DNAH5: variants seen among roughly 807,000 people sequenced by gnomAD.
The protein encoded by DNAH5 is dynein axonemal heavy chain 5, also known as axonemal beta dynein heavy chain 5.
DNAH5 carries 372 observed loss-of-function variants against 518.2 expected under a neutral mutation model. The ratio of observed to expected loss-of-function variants is 0.72; its 90% CI spans 0.66 to 0.78. DNAH5 has a LOEUF of 0.78. DNAH5 is among the 30% of genes least tolerant of loss of function. The pLI is 0.00. For missense variants in DNAH5, 5,523 were observed against 5,687.0 expected, an observed-to-expected ratio of 0.97 and a Z score of 0.93; for synonymous variants, 2,039 against 2,025.9, an observed-to-expected ratio of 1.01 and a Z score of -0.17.
chr5:13,867,295 GA>G (rs1276523607), intron 25 of DNAH5, among the ~76,000 whole-genome samples: 1 of 152,084 alleles, frequency 6.6e-6, no homozygotes, highest in African/African-American at 2.4e-5. Flanking sequence ...CGTCTCAAGG[GA>G]GAGACTAGGT....
intron 1 of DNAH5, among the ~76,000 whole-genome samples, chr5:13,984,933 T>C (rs1419549841): frequency 2.0e-5 from 3 of 152,206 alleles, no homozygotes; most frequent in African/African-American, 4.8e-5. Flanking sequence ...ACTGGGTATA[T>C]ACACAAAGGA....
chr5:13,961,468 AC>A (rs1220199118), intron 1 of DNAH5, among the ~76,000 whole-genome samples: 3 of 152,052 alleles, frequency 2.0e-5, no homozygotes, highest in African/African-American at 7.2e-5. Flanking sequence ...ACATGGTGAA[AC>A]CCCATCTCTA....
chr5:13,748,864 C>T (rs1470992465), intron 65 of DNAH5, among the ~76,000 whole-genome samples: 1 of 151,858 alleles, frequency 6.6e-6, no homozygotes, highest in East Asian at 1.9e-4. Context: ...AATTGAATAC[C>T]CTTTATTTCT....
intron 31 of DNAH5, 68 bp downstream of exon 31, chr5:13,850,584 C>A: frequency 6.9e-7 from 1 of 1,439,418 alleles, no homozygotes; most frequent in South Asian, 1.2e-5. Context: ...TTGGCTAATG[C>A]TATCTAGTCT....
At chr5:14,002,132 C>T (rs1227840169) in intron 1 of DNAH5, among the ~76,000 whole-genome samples, 1 of 148,638 alleles carries the variant, frequency 6.7e-6, no homozygotes, top group Non-Finnish European at 1.5e-5. Context: ...CTCCTGACCT[C>T]GTGATCCGCC....
chr5:13,879,177 A>G lies in DNAH5; in HGVS notation c.3263-2360T>C, dbSNP rs75087626. 1.1e-3 allele frequency among the ~76,000 whole-genome samples: 164 copies of G among 152,358 alleles called. 1 individual carries two copies. Among genetic ancestry groups the G allele is most frequent in the African/African-American group, 3.7e-3 (154 of 41,584 alleles). ...TACACAGAAACCAACACAGAGGGTC[A>G]AAGAAAATGAACAAAAACAGGGAAA... On this transcript the variant is annotated intron_variant, in intron 21 of 78. Coordinates refer to ENST00000265104, the MANE Select transcript of DNAH5 (RefSeq NM_001369.3).
chr5:13,785,756 T>C (rs1462959017), intron 52 of DNAH5, among the ~76,000 whole-genome samples: 1 of 152,230 alleles, frequency 6.6e-6, no homozygotes, highest in Admixed American at 6.5e-5. Flanking sequence ...ATGAGTAGAA[T>C]TATACAGTAT....
At chr5:13,862,889 A>C in intron 28 of DNAH5, 142 bp from the exon 29 acceptor site, 2 of 270,120 alleles carry the variant, frequency 7.4e-6, no homozygotes, top group Non-Finnish European at 6.6e-6. Context: ...CAGACCTAAA[A>C]TGCAATATAA....
At position 13,806,686 on chromosome 5, in the gene DNAH5, C is replaced by T. The variant is rs111734344; in HGVS notation, c.7887+905G>A. Among the ~76,000 whole-genome samples the T allele has an allele frequency of 2.8e-3, 426 of 152,238 alleles. 1 individual carries two copies. Among genetic ancestry groups the T allele is most frequent in the Non-Finnish European group, 5.1e-3 (347 of 68,024 alleles). On this transcript the variant is annotated intron_variant, in intron 47 of 78. Coordinates refer to ENST00000265104, the MANE Select transcript of DNAH5 (RefSeq NM_001369.3). ...AATTTGCAAATCACTGAAGCATGTACTGACATTTAGGATTTCCTCCTCAGT... is the reference window on the plus strand; with the variant it reads ...AATTTGCAAATCACTGAAGCATGTATTGACATTTAGGATTTCCTCCTCAGT...
At position 13,718,415 on chromosome 5, in the gene DNAH5, G is replaced by A. The variant is rs182622846; in HGVS notation, c.12499+467C>T. The stretch of plus-strand genomic sequence containing the variant: ...CAGAGGAAGCAATGGCCAAGAGAGC[G>A]ACCTCAGCCCCAGTCATGATGGGGG... On this transcript the variant is annotated intron_variant, in intron 72 of 78. Coordinates refer to ENST00000265104, the MANE Select transcript of DNAH5 (RefSeq NM_001369.3). Among the ~76,000 whole-genome samples, 6 of 152,260 alleles carry A rather than the reference G, an allele frequency of 3.9e-5. No individual in the cohort carries two copies. In the East Asian group the frequency reaches 5.8e-4, roughly 15 times the overall value.
chr5:13,899,878 C>T, intron 15 of DNAH5: 1 of 306,008 alleles, frequency 3.3e-6, no homozygotes, highest in South Asian at 4.0e-5. Flanking sequence ...CCGCTGATAC[C>T]CCTCGTCCCT....
intron 61 of DNAH5, among the ~76,000 whole-genome samples, chr5:13,757,344 C>T (rs964482795): frequency 3.9e-5 from 6 of 152,180 alleles, no homozygotes; most frequent in African/African-American, 1.4e-4. Context: ...CATTCTTTTT[C>T]TCCGCAATCT....
chr5:13,828,582 G>A (rs1245274000), intron 38 of DNAH5, among the ~76,000 whole-genome samples: 1 of 152,226 alleles, frequency 6.6e-6, no homozygotes, highest in Admixed American at 6.5e-5. Context: ...GGTCACATTA[G>A]ATTAGACTGT....
chr5:13,980,299 C>T (rs74582936), intron 1 of DNAH5, among the ~76,000 whole-genome samples: 2,472 of 152,204 alleles, frequency 0.016, 76 homozygotes, highest in African/African-American at 0.057. Context: ...TTCATTCTAA[C>T]CCCCCAGGTG....
intron 65 of DNAH5, among the ~76,000 whole-genome samples, chr5:13,749,275 G>A (rs989893897): frequency 6.6e-6 from 1 of 152,014 alleles, no homozygotes; most frequent in Non-Finnish European, 1.5e-5. Context: ...ACATTATTCT[G>A]GCTGATCATT....
At chr5:13,786,433 T>G in intron 51 of DNAH5, 82 bp from the exon 52 acceptor site, 4 of 1,353,852 alleles carry the variant, frequency 3.0e-6, no homozygotes, top group Non-Finnish European at 4.2e-6. Context: ...CTCAAAGCTC[T>G]ACAACCTAAC....
Position 13,716,615 on chromosome 5 carries a change from T to A in DNAH5, c.12781A>T (p.Lys4261Ter). The change falls in exon 74 of 79, where the codon AAG becomes TAG. Residue 4261 changes from lysine (K) to a stop codon, truncating the protein, a stop_gained. Coordinates refer to ENST00000265104, the MANE Select transcript of DNAH5 (RefSeq NM_001369.3). LOFTEE classifies it high-confidence loss of function. ...TTAGCAAATGTGTTCAACAATCTCTTATCATAGTCGTCAGTGACTCTGCCT... is the reference window on the plus strand; with the variant it reads ...TTAGCAAATGTGTTCAACAATCTCTAATCATAGTCGTCAGTGACTCTGCCT... ...YGGRVTDDYD[K>*]RLLNTFAKVW... is the part of the protein sequence containing the mutation. 6.2e-7 allele frequency: 1 copy of A among 1,613,932 alleles called. No individual in the cohort carries two copies. The highest frequency in any genetic ancestry group is 8.5e-7 in the Non-Finnish European group (1 of 1,179,788).
chr5:13,875,304 C>T (rs1770725511), intron 22 of DNAH5, among the ~76,000 whole-genome samples: 1 of 151,914 alleles, frequency 6.6e-6, no homozygotes, highest in Non-Finnish European at 1.5e-5. Flanking sequence ...CCTGTCTCTA[C>T]TAAAAATACA....
At position 13,700,588 on chromosome 5, in the gene DNAH5, T is replaced by C. The variant is rs947808960; in HGVS notation, c.13723+52A>G. The C allele has an allele frequency of 2.7e-5, 41 of 1,499,406 alleles. No homozygotes were observed. In the East Asian group the frequency reaches 4.3e-4, roughly 16 times the overall value. The allele number at this position is 1,499,406 out of a possible 1,614,324, so 92.9% of individuals were successfully genotyped here. ...AAATAATGAAATCCTGTGTTGATAA[T>C]GTCATCCAAACGAACAATGCGAGCC... On this transcript the variant is annotated intron_variant, in intron 78 of 78. Coordinates refer to ENST00000265104, the MANE Select transcript of DNAH5 (RefSeq NM_001369.3).
Sources: gnomAD v4.1 joint callset for allele counts (sites outside exome capture counted in the v4.1 genomes callset) on GRCh38, gnomAD v4.1.1 for gene constraint, MANE v1.5 for transcripts, NCBI Gene and HGNC (gene_info 2026-07-23, HGNC 2026-07-21) for gene names.